The following CPPED1 variants were observed in gnomAD, a reference collection of about 807,000 sequenced individuals.
CPPED1 encodes the protein calcineurin like phosphoesterase domain containing 1.
A neutral mutation model predicts 28.0 loss-of-function variants in CPPED1; 28 were observed. That is an observed-to-expected ratio of 1.00 (90% confidence interval 0.74 to 1.37). CPPED1 has a LOEUF of 1.37. Ranked by LOEUF, CPPED1 falls within the 40% of genes most tolerant of loss-of-function variation. CPPED1 has a pLI of 0.00. For synonymous variants in CPPED1, 198 were observed against 180.2 expected (o/e 1.10, Z -0.79); for missense variants, 504 against 416.5 (o/e 1.21, Z -1.83).
At chr16:12,697,696 T>C (rs2079999233) in intron 3 of CPPED1, among the ~76,000 whole-genome samples, 1 of 152,152 alleles carries the variant, frequency 6.6e-6, no homozygotes, top group Non-Finnish European at 1.5e-5. Flanking sequence ...TCTCTTGTTA[T>C]GAAGGCAGAG....
chr16:12,756,656 G>A (rs972523566), intron 2 of CPPED1, among the ~76,000 whole-genome samples: 2 of 151,718 alleles, frequency 1.3e-5, no homozygotes, highest in Admixed American at 1.3e-4. Flanking sequence ...GCAGTGAGCC[G>A]AGATACCACT....
At chr16:12,667,221 A>G (rs2079830450) in intron 3 of CPPED1, among the ~76,000 whole-genome samples, 1 of 152,226 alleles carries the variant, frequency 6.6e-6, no homozygotes, top group Non-Finnish European at 1.5e-5. Context: ...ATAGTCTACA[A>G]ACCCTTCAAT....
rs1289421004 is a variant in CPPED1, at chr16:12,670,762, A to G, written c.716-5647T>C. Among the ~76,000 whole-genome samples, 1 of 152,248 alleles carries G rather than the reference A, an allele frequency of 6.6e-6. No homozygotes were observed. Among genetic ancestry groups the G allele is most frequent in the Non-Finnish European group, 1.5e-5 (1 of 68,046 alleles). On this transcript the variant is annotated intron_variant, in intron 3 of 3. Coordinates refer to ENST00000381774, the MANE Select transcript of CPPED1 (RefSeq NM_018340.3). This position sits in a 1 kb window ranked among gnomAD's most constrained non-coding sequence, Gnocchi z 4.2. ...TGTCATCAAAAACAAGGAATGAGTG[A>G]GAAACTATCACAGCCAAGAGGAACC...
chr16:12,694,378 C>T (rs1322324525), intron 3 of CPPED1, among the ~76,000 whole-genome samples: 3 of 152,156 alleles, frequency 2.0e-5, no homozygotes, highest in Non-Finnish European at 4.4e-5. Context: ...CAGCAGCATA[C>T]ATTTACACAC....
intron 3 of CPPED1, among the ~76,000 whole-genome samples, chr16:12,685,875 T>G (rs1034284057): frequency 6.6e-6 from 1 of 152,106 alleles, no homozygotes; most frequent in Non-Finnish European, 1.5e-5. Flanking sequence ...TTTTAAAAAG[T>G]CCCCCTTTCT....
chr16:12,799,042 A>G (rs148084221), intron 1 of CPPED1, among the ~76,000 whole-genome samples: 2 of 152,264 alleles, frequency 1.3e-5, no homozygotes, highest in East Asian at 3.9e-4. Flanking sequence ...ACTCACGTAA[A>G]TCACCGGTGG....
chr16:12,677,092 C>T (rs912859030), intron 3 of CPPED1, among the ~76,000 whole-genome samples: 2 of 152,186 alleles, frequency 1.3e-5, no homozygotes, highest in African/African-American at 2.4e-5. Context: ...AGGCACCAAA[C>T]GTAAAGGCTC....
chr16:12,777,389 G>T (rs1269840139), intron 2 of CPPED1, among the ~76,000 whole-genome samples: 1 of 152,096 alleles, frequency 6.6e-6, no homozygotes. Flanking sequence ...AAGGCTTCTG[G>T]GGACAAAACC....
intron 2 of CPPED1, among the ~76,000 whole-genome samples, chr16:12,706,690 G>A (rs536958455): frequency 6.6e-6 from 1 of 151,960 alleles, no homozygotes; most frequent in Non-Finnish European, 1.5e-5. Context: ...GATCAACTCA[G>A]ACCAGCCATG....
intron 2 of CPPED1, among the ~76,000 whole-genome samples, chr16:12,738,399 A>G (rs1226620039): frequency 6.6e-6 from 1 of 152,068 alleles, no homozygotes; most frequent in Non-Finnish European, 1.5e-5. Flanking sequence ...ATGTCTTTTG[A>G]TTGCATATCT....
intron 2 of CPPED1, chr16:12,753,280 G>C (rs993260399): frequency 2.0e-5 from 3 of 152,112 alleles, no homozygotes; most frequent in Non-Finnish European, 2.9e-5. Context: ...GTCCCCAGCA[G>C]AGCTAATCAC....
intron 3 of CPPED1, among the ~76,000 whole-genome samples, chr16:12,685,515 A>G (rs2141174834): frequency 6.6e-6 from 1 of 152,300 alleles, no homozygotes; most frequent in African/African-American, 2.4e-5. Flanking sequence ...GGCTGTTAGG[A>G]GTTTCAGACG....
At chr16:12,676,171 A>AGGGGACATGGTGGAAG (rs1416097778) in intron 3 of CPPED1, among the ~76,000 whole-genome samples, 2 of 152,200 alleles carry the variant, frequency 1.3e-5, no homozygotes, top group Non-Finnish European at 2.9e-5. Context: ...CCTGTGGCCC[A>AGGGGACATGGTGGAAG]GGACTGCCAG....
intron 2 of CPPED1, among the ~76,000 whole-genome samples, chr16:12,766,359 C>A (rs964288319): frequency 6.6e-6 from 1 of 151,658 alleles, no homozygotes; most frequent in African/African-American, 2.4e-5. Context: ...AGACATACCT[C>A]AGACTGTGAA....
chr16:12,769,472 G>T (rs115104010), intron 2 of CPPED1, among the ~76,000 whole-genome samples: 1 of 152,048 alleles, frequency 6.6e-6, no homozygotes, highest in Non-Finnish European at 1.5e-5. Context: ...CTCCTCTGCC[G>T]GACTGCCACG....
intron 2 of CPPED1, among the ~76,000 whole-genome samples, chr16:12,731,428 C>CT (rs2080196879): frequency 6.6e-6 from 1 of 151,354 alleles, no homozygotes. Context: ...GCAGAGACTG[C>CT]TGGGGCATGG....
chr16:12,740,662 G>C (rs1220100237), intron 2 of CPPED1, among the ~76,000 whole-genome samples: 1 of 152,264 alleles, frequency 6.6e-6, no homozygotes, highest in Admixed American at 6.5e-5. Context: ...TATATAGCAG[G>C]GGTTTTCAGC....
chr16:12,700,312 T>C (rs2080013699), intron 3 of CPPED1, among the ~76,000 whole-genome samples: 1 of 152,146 alleles, frequency 6.6e-6, no homozygotes, highest in African/African-American at 2.4e-5. Context: ...GAAAGACTGC[T>C]GAGTGACTTT....
intron 2 of CPPED1, among the ~76,000 whole-genome samples, chr16:12,716,302 A>T (rs535364054): frequency 6.6e-6 from 1 of 152,336 alleles, no homozygotes; most frequent in African/African-American, 2.4e-5. Context: ...AGAATATTCC[A>T]TTTAACAAAT....
Sources: allele counts gnomAD v4.1 joint callset (sites outside exome capture counted in the v4.1 genomes callset), GRCh38; gene constraint gnomAD v4.1.1; non-coding constraint Gnocchi (gnomAD v3.1); transcripts MANE v1.5; gene names NCBI Gene and HGNC (gene_info 2026-07-23, HGNC 2026-07-21).